Variants in KDM4C observed in about 807,000 individuals in gnomAD.
KDM4C encodes lysine-specific demethylase 4C.
KDM4C carries 81 observed loss-of-function variants against 129.3 expected under a neutral mutation model. The ratio of observed to expected loss-of-function variants is 0.63; its 90% CI spans 0.52 to 0.75. The LOEUF is 0.75. KDM4C is among the 30% of genes least tolerant of loss of function. The pLI is 0.00. For synonymous variants in KDM4C, 573 were observed against 456.1 expected, an observed-to-expected ratio of 1.26 and a Z score of -3.26; for missense variants, 1,457 against 1,304.0, an observed-to-expected ratio of 1.12 and a Z score of -1.81.
chr9:6,850,135 C>T (rs1838577351), intron 5 of KDM4C, among the ~76,000 whole-genome samples: 2 of 152,156 alleles, frequency 1.3e-5, no homozygotes, highest in Admixed American at 6.5e-5. Context: ...GTAGTAGATC[C>T]ACTATCTAGA....
At chr9:6,828,141 C>T (rs1564105363) in intron 4 of KDM4C, among the ~76,000 whole-genome samples, 1 of 151,888 alleles carries the variant, frequency 6.6e-6, no homozygotes, top group African/African-American at 2.4e-5. Context: ...CAGTCTGTCT[C>T]TGGAATAAGT....
chr9:6,735,148 GC>G (rs961511473), intron 1 of KDM4C: 39 of 213,874 alleles, frequency 1.8e-4, no homozygotes, highest in African/African-American at 8.0e-4. Flanking sequence ...ACCTGTCCCC[GC>G]CCCCACCCCC....
chr9:7,099,581 A>C (rs1179062659), intron 17 of KDM4C, among the ~76,000 whole-genome samples: 1 of 152,248 alleles, frequency 6.6e-6, no homozygotes, highest in Non-Finnish European at 1.5e-5. Context: ...AGCTGTCGGC[A>C]TGAGTGACAC....
chr9:7,085,869 T>A (rs896526511), intron 17 of KDM4C, among the ~76,000 whole-genome samples: 5 of 151,992 alleles, frequency 3.3e-5, no homozygotes, highest in Non-Finnish European at 7.4e-5. Context: ...AAAAAAAAAT[T>A]ATTGGGCCAG....
intron 17 of KDM4C, among the ~76,000 whole-genome samples, chr9:7,081,352 C>A (rs1834503497): frequency 6.6e-6 from 1 of 152,144 alleles, no homozygotes. Context: ...TGACTGAATG[C>A]AATTTCCTAA....
intron 16 of KDM4C, among the ~76,000 whole-genome samples, chr9:7,047,496 T>A (rs1036038715): frequency 5.3e-5 from 8 of 152,006 alleles, no homozygotes; most frequent in African/African-American, 1.2e-4. Flanking sequence ...AGTCTAGTTT[T>A]TATGACTGTT....
At position 6,814,619 on chromosome 9, in the gene KDM4C, T is replaced by C. The variant is rs747377221; in HGVS notation, c.321-12T>C. The C allele has an allele frequency of 6.6e-6, 10 of 1,523,070 alleles. No homozygotes were observed. In the East Asian group the frequency reaches 1.8e-4, roughly 28 times the overall value. The allele number at this position is 1,523,070 out of a possible 1,614,324, so 94.3% of individuals were successfully genotyped here. A position where few individuals can be genotyped will look rare whatever the true frequency, so the allele number is the denominator to read the frequency against. On this transcript the variant is annotated splice_polypyrimidine_tract_variant and intron_variant, in intron 3 of 21. Transcript: ENST00000381309. ...TACTGGTTTGTACATTTTTGTCATC[T>C]ACCTTTTACAGATATTGTACTCCAA...
intron 5 of KDM4C, among the ~76,000 whole-genome samples, chr9:6,858,318 C>G (rs1479270135): frequency 6.6e-6 from 1 of 151,354 alleles, no homozygotes; most frequent in African/African-American, 2.5e-5. Flanking sequence ...CTTGCTGAAT[C>G]TTTTTTGCTA....
chr9:6,861,657 T>C (rs1299533213), intron 5 of KDM4C, among the ~76,000 whole-genome samples: 1 of 152,208 alleles, frequency 6.6e-6, no homozygotes, highest in East Asian at 1.9e-4. Flanking sequence ...CCCTCCTCTC[T>C]TCCTCCCAGT....
At chr9:7,111,874 A>C (rs1339588355) in intron 18 of KDM4C, among the ~76,000 whole-genome samples, 1 of 152,160 alleles carries the variant, frequency 6.6e-6, no homozygotes, top group African/African-American at 2.4e-5. Flanking sequence ...TTCTTGGCTA[A>C]ACAAGGATCT....
chr9:7,165,663 C>T (rs894189851), intron 20 of KDM4C, among the ~76,000 whole-genome samples: 4 of 152,200 alleles, frequency 2.6e-5, no homozygotes, highest in South Asian at 2.1e-4. Context: ...GTATGGGGAA[C>T]GACTAGTTGG....
chr9:7,093,498 G>T (rs1009971877), intron 17 of KDM4C, among the ~76,000 whole-genome samples: 2 of 152,080 alleles, frequency 1.3e-5, no homozygotes, highest in African/African-American at 4.8e-5. Context: ...CGTGGTTATT[G>T]TTACTGTATT....
At chr9:6,746,055 C>G (rs957400607) in intron 1 of KDM4C, among the ~76,000 whole-genome samples, 1 of 152,032 alleles carries the variant, frequency 6.6e-6, no homozygotes, top group Non-Finnish European at 1.5e-5. Flanking sequence ...ATCCGCCTGC[C>G]TCAGCCTCCC....
intron 19 of KDM4C, among the ~76,000 whole-genome samples, chr9:7,135,514 G>A (rs764820383): frequency 3.3e-5 from 5 of 152,064 alleles, no homozygotes; most frequent in African/African-American, 1.2e-4. Context: ...ATATTCATGG[G>A]TGAGCCTGCT....
chr9:6,929,893 A>G (rs1258027048), intron 8 of KDM4C, among the ~76,000 whole-genome samples: 1 of 152,146 alleles, frequency 6.6e-6, no homozygotes, highest in African/African-American at 2.4e-5. Context: ...ACCCTCTGCC[A>G]ATTCTTTCTT....
intron 1 of KDM4C, among the ~76,000 whole-genome samples, chr9:6,731,402 C>G (rs896793342): frequency 6.7e-6 from 1 of 148,474 alleles, no homozygotes; most frequent in African/African-American, 2.5e-5. Context: ...TCTCAGCTCA[C>G]CGCAACCTCC....
chr9:7,021,225 C>T (rs1218432511), intron 15 of KDM4C, among the ~76,000 whole-genome samples: 1 of 151,540 alleles, frequency 6.6e-6, no homozygotes. Context: ...AATCTCGGCT[C>T]ACTGCAACCT....
chr9:7,047,749 T>G (rs1829611594), intron 16 of KDM4C, among the ~76,000 whole-genome samples: 1 of 152,046 alleles, frequency 6.6e-6, no homozygotes, highest in African/African-American at 2.4e-5. Flanking sequence ...TTTTCATCTT[T>G]AATTGAAAAT....
intron 18 of KDM4C, among the ~76,000 whole-genome samples, chr9:7,114,536 A>G (rs1485129239): frequency 6.6e-6 from 1 of 152,204 alleles, no homozygotes; most frequent in Non-Finnish European, 1.5e-5. Flanking sequence ...TCTGTGTGGA[A>G]TAATGTGGTT....
Sources: allele counts gnomAD v4.1 joint callset (sites outside exome capture counted in the v4.1 genomes callset), GRCh38; gene constraint gnomAD v4.1.1; transcripts MANE v1.5; gene names NCBI Gene and HGNC (gene_info 2026-07-23, HGNC 2026-07-21).